Variants in TRIM33 observed in about 807,000 individuals in gnomAD.
TRIM33 encodes E3 ubiquitin-protein ligase TRIM33.
A neutral mutation model predicts 125.4 loss-of-function variants in TRIM33; 20 were observed. The ratio of observed to expected loss-of-function variants is 0.16; its 90% CI spans 0.11 to 0.23. The LOEUF is 0.23. Among genes scored for constraint, TRIM33 ranks in the 10% least tolerant of loss-of-function variants. TRIM33 has a pLI of 1.00. For synonymous variants in TRIM33, 564 were observed against 513.9 expected (o/e 1.10, Z -1.32); for missense variants, 920 against 1,411.4 (o/e 0.65, Z 5.58).
chr1:114,488,824 G>C (rs1447018884), intron 1 of TRIM33, among the ~76,000 whole-genome samples: 1 of 151,994 alleles, frequency 6.6e-6, no homozygotes, highest in Non-Finnish European at 1.5e-5. Flanking sequence ...TCTTGAAAAA[G>C]AACAACCCAC....
intron 11 of TRIM33, among the ~76,000 whole-genome samples, chr1:114,420,816 A>C (rs549824398): frequency 5.9e-5 from 9 of 152,248 alleles, no homozygotes; most frequent in Non-Finnish European, 1.2e-4. Flanking sequence ...ATTCTGAAAT[A>C]TATAATACAC....
chr1:114,507,927 A>C (rs1448449333), intron 1 of TRIM33, among the ~76,000 whole-genome samples: 1 of 152,110 alleles, frequency 6.6e-6, no homozygotes, highest in Non-Finnish European at 1.5e-5. Flanking sequence ...GACCAGTCTG[A>C]CCAGTATGGC....
chr1:114,437,170 A>G (rs1359747695), intron 4 of TRIM33, among the ~76,000 whole-genome samples: 1 of 152,238 alleles, frequency 6.6e-6, no homozygotes. Context: ...AAGCAAACAC[A>G]CACTATTTTC....
intron 11 of TRIM33, among the ~76,000 whole-genome samples, chr1:114,417,954 C>A (rs1653039685): frequency 6.6e-6 from 1 of 152,206 alleles, no homozygotes; most frequent in Non-Finnish European, 1.5e-5. Context: ...CTGCACCCAG[C>A]CTAAAATTCC....
intron 18 of TRIM33, among the ~76,000 whole-genome samples, chr1:114,398,888 A>G (rs2101076236): frequency 6.8e-6 from 1 of 146,398 alleles, no homozygotes; most frequent in African/African-American, 2.5e-5. Context: ...GGCTAACTCA[A>G]ACTTACCCTC....
In TRIM33 at chr1:114,461,317, A is replaced by ATTT. The variant is rs1289992912; in HGVS notation, c.923+1786_923+1787insAAA. Among the ~76,000 whole-genome samples the ATTT allele has an allele frequency of 4.2e-4, 59 of 141,072 alleles. No homozygotes were observed. In the East Asian group the frequency reaches 9.9e-3, roughly 24 times the overall value. 92.5% of individuals were successfully genotyped at this position (141,072 alleles called of 152,430 possible). A position where few individuals can be genotyped will look rare whatever the true frequency, so the allele number is the denominator to read the frequency against. ...TTATATATTATATTTTATATTTTAT[A>ATTT]TATATATATTTTAAGTACCAGAAGG... On this transcript the variant is annotated intron_variant, in intron 4 of 19. Coordinates refer to ENST00000358465, the MANE Select transcript of TRIM33 (RefSeq NM_015906.4).
At position 114,510,576 on chromosome 1, in the gene TRIM33, C is replaced by T; in HGVS notation, c.501G>A (p.Gly167=). 2.6e-6 allele frequency: 4 copies of T among 1,523,218 alleles called. No homozygotes were observed. Among genetic ancestry groups the T allele is most frequent in the South Asian group, 1.2e-5 (1 of 82,136 alleles). 94.4% of individuals were successfully genotyped at this position (1,523,218 alleles called of 1,614,324 possible). Residue 167 remains glycine, a synonymous_variant, in exon 1 of 20, where the codon GGG becomes GGA. Coordinates refer to ENST00000358465, the MANE Select transcript of TRIM33 (RefSeq NM_015906.4). ...PERQLSVPIP[G]GSNGDIQQVG... ...CTTGCTGGATGTCGCCGTTGCTGCC[C>T]CCCGGGATGGGCACGCTGAGCTGGC...
chr1:114,488,053 C>G (rs1262515959), intron 1 of TRIM33, among the ~76,000 whole-genome samples: 3 of 151,044 alleles, frequency 2.0e-5, no homozygotes, highest in Non-Finnish European at 4.4e-5. Context: ...CATTTTAAAA[C>G]TAGGAAGAGT....
intron 1 of TRIM33, among the ~76,000 whole-genome samples, chr1:114,509,589 C>T (rs1206804703): frequency 6.6e-6 from 1 of 152,180 alleles, no homozygotes; most frequent in African/African-American, 2.4e-5. Flanking sequence ...CACCAATCAC[C>T]CTACACAGTC....
Position 114,510,499 on chromosome 1 carries a change from G to T in TRIM33, c.526+52C>A, listed in dbSNP as rs370895428. 3.6e-5 allele frequency: 52 copies of T among 1,435,110 alleles called. 1 individual carries two copies. In the South Asian group the frequency reaches 4.6e-4, roughly 13 times the overall value. The allele number at this position is 1,435,110 out of a possible 1,614,324, so 88.9% of individuals were successfully genotyped here. On this transcript the variant is annotated intron_variant, in intron 1 of 19. Coordinates refer to ENST00000358465, the MANE Select transcript of TRIM33 (RefSeq NM_015906.4). ...AGCACCTCCGTCCCCAGCTCCTCTA[G>T]GGTTGCGCAAATCCCTTGCGGCCCA...
intron 5 of TRIM33, among the ~76,000 whole-genome samples, chr1:114,432,164 T>C (rs1297594769): frequency 6.6e-6 from 1 of 152,214 alleles, no homozygotes; most frequent in African/African-American, 2.4e-5. Context: ...CCGTGCAATC[T>C]TGTAACAGGT....
At chr1:114,507,931 G>A (rs989976441) in intron 1 of TRIM33, among the ~76,000 whole-genome samples, 8 of 152,076 alleles carry the variant, frequency 5.3e-5, no homozygotes, top group Non-Finnish European at 1.0e-4. Context: ...AGTCTGACCA[G>A]TATGGCAAAA....
chr1:114,437,588 C>T (rs868410154), intron 4 of TRIM33, among the ~76,000 whole-genome samples: 7 of 152,300 alleles, frequency 4.6e-5, no homozygotes, highest in East Asian at 1.9e-4. Flanking sequence ...CCACCCACCT[C>T]GGCCTCCCAA....
chr1:114,478,810 G>A (rs1360624524), intron 1 of TRIM33, among the ~76,000 whole-genome samples: 2 of 152,324 alleles, frequency 1.3e-5, no homozygotes, highest in East Asian at 1.9e-4. Context: ...CACTTTGGGA[G>A]GCCAAGGTAG....
At chr1:114,433,797 G>C (rs568520005) in intron 4 of TRIM33, 64 bp from the exon 5 acceptor site, 1 of 1,036,838 alleles carries the variant, frequency 9.6e-7, no homozygotes, top group Admixed American at 2.0e-5. Context: ...TGGAAATAAA[G>C]AACAGCTAAA....
chr1:114,409,374 A>G (rs931162325), intron 12 of TRIM33, among the ~76,000 whole-genome samples: 1 of 152,330 alleles, frequency 6.6e-6, no homozygotes, highest in African/African-American at 2.4e-5. Context: ...GGCTATTTTA[A>G]TAGTTTTCAG....
rs533923576 is a variant in TRIM33 at position 114,487,766 on chromosome 1, G to A, written c.526+22785C>T. ...CAAAAAATTAGCCGGGCGCGGTGGCGGGCGCCTGTAGTCCCAGCTACTCGG... is the reference window on the plus strand; with the variant it reads ...CAAAAAATTAGCCGGGCGCGGTGGCAGGCGCCTGTAGTCCCAGCTACTCGG... On this transcript the variant is annotated intron_variant, in intron 1 of 19. Transcript: ENST00000358465. Among the ~76,000 whole-genome samples, 414 of 150,410 alleles carry A rather than the reference G, an allele frequency of 2.8e-3. 1 individual carries two copies. The highest frequency in any genetic ancestry group is 0.011 in the East Asian group (58 of 5,124).
At chr1:114,457,346 C>T (rs555826715) in intron 4 of TRIM33, among the ~76,000 whole-genome samples, 2 of 152,252 alleles carry the variant, frequency 1.3e-5, no homozygotes, top group Non-Finnish European at 2.9e-5. Context: ...GCAGCAACCA[C>T]TAGGATTTTT....
chr1:114,465,135 G>A (rs1337730944), intron 1 of TRIM33, among the ~76,000 whole-genome samples: 2 of 152,174 alleles, frequency 1.3e-5, no homozygotes, highest in Non-Finnish European at 2.9e-5. Context: ...ATTCTGACTT[G>A]GTTAGAGATA....
Sources: gnomAD v4.1 joint callset for allele counts (sites outside exome capture counted in the v4.1 genomes callset) on GRCh38, gnomAD v4.1.1 for gene constraint, MANE v1.5 for transcripts, NCBI Gene and HGNC (gene_info 2026-07-23, HGNC 2026-07-21) for gene names.